ZNF782: variants seen among roughly 807,000 people sequenced by gnomAD.
ZNF782 encodes zinc finger protein 782.
A neutral mutation model predicts 13.0 loss-of-function variants in ZNF782; 12 were observed. The observed-to-expected ratio is 0.92, with a 90% CI of 0.59 to 1.50. The LOEUF (loss-of-function observed/expected upper bound fraction) is 1.50, where lower values mean the gene tolerates loss of function less well. ZNF782 is among the 40% of genes most tolerant of loss of function. The pLI is 0.00. For synonymous variants in ZNF782, 284 were observed against 283.0 expected (o/e 1.00, Z -0.04); for missense variants, 770 against 822.9 (o/e 0.94, Z 0.79).
chr9:96,837,390 T>C (rs145937125), intron 4 of ZNF782, among the ~76,000 whole-genome samples: 23 of 152,318 alleles, frequency 1.5e-4, no homozygotes, highest in African/African-American at 4.6e-4. Flanking sequence ...ACTGTCCCCA[T>C]TTTCATTTCT....
chr9:96,890,283 C>G, the ZNF782 span: 1 of 152,302 alleles, frequency 6.6e-6, no homozygotes, highest in African/African-American at 2.4e-5. Flanking sequence ...GTCTTCCTCT[C>G]ATATAAGCAG....
intron 3 of ZNF782, among the ~76,000 whole-genome samples, chr9:96,848,652 C>T (rs1851407528): frequency 6.6e-6 from 1 of 152,128 alleles, no homozygotes; most frequent in African/African-American, 2.4e-5. Flanking sequence ...ACAAGAACTA[C>T]ATAACACTGC....
intron 4 of ZNF782, among the ~76,000 whole-genome samples, chr9:96,830,693 G>A (rs979648750): frequency 6.6e-6 from 1 of 152,182 alleles, no homozygotes; most frequent in Admixed American, 6.5e-5. Flanking sequence ...AAAATCACTT[G>A]TCATACCAAG....
chr9:96,868,840 A>C (rs1851792042), intron 1 of ZNF782, among the ~76,000 whole-genome samples: 1 of 152,178 alleles, frequency 6.6e-6, no homozygotes, highest in South Asian at 2.1e-4. Context: ...ATGTTTTTGA[A>C]GATAGCCCAG....
the ZNF782 span, among the ~76,000 whole-genome samples, chr9:96,885,111 A>T: frequency 0.028 from 4,335 of 152,196 alleles, 228 homozygotes; most frequent in African/African-American, 0.099. Flanking sequence ...GGATACAATT[A>T]AAAAAATGCC....
Position 96,827,096 on chromosome 9 carries a change from T to C in ZNF782, c.228A>G (p.Leu76=). Residue 76 remains leucine, a synonymous_variant, in exon 5 of 6, where the codon CTA becomes CTG. Transcript: ENST00000481138. ...GTAACTCACCTGGGGAGTTCCTGCTTAGAAATCCTTTCTCTTTCTCTAATA... is the reference window on the plus strand; with the variant it reads ...GTAACTCACCTGGGGAGTTCCTGCTCAGAAATCCTTTCTCTTTCTCTAATA... ...PWLLEKEKGF[L]SRNSPEDSQP... 1 of 1,611,016 alleles carries C rather than the reference T, an allele frequency of 6.2e-7. No individual in the cohort carries two copies. Among genetic ancestry groups the C allele is most frequent in the Non-Finnish European group, 8.5e-7 (1 of 1,178,468 alleles).
chr9:96,929,004 G>A, the ZNF782 span: 27 of 1,609,172 alleles, frequency 1.7e-5, no homozygotes, highest in Non-Finnish European at 2.2e-5. Flanking sequence ...GACAGTGGTG[G>A]TCAGTGCCCA....
chr9:96,841,792 G>A (rs545801478), intron 4 of ZNF782, among the ~76,000 whole-genome samples: 3 of 151,924 alleles, frequency 2.0e-5, no homozygotes, highest in African/African-American at 7.2e-5. Flanking sequence ...CTTAAGGTTG[G>A]GAACAAGGCA....
At chr9:96,917,990 C>A in the ZNF782 span, among the ~76,000 whole-genome samples, 2 of 150,826 alleles carry the variant, frequency 1.3e-5, no homozygotes, top group Non-Finnish European at 3.0e-5. Context: ...CACCCTTGCG[C>A]CTCGGTCTCC....
At chr9:96,852,111 T>C (rs1370083370) in intron 2 of ZNF782, 106 bp from the exon 3 acceptor site, 2 of 694,390 alleles carry the variant, frequency 2.9e-6, no homozygotes, top group Non-Finnish European at 4.9e-6. Context: ...CTTCCTAAGG[T>C]AACAGGGCCC....
In ZNF782 at chr9:96,818,434, C is replaced by T; in HGVS notation, c.1589G>A (p.Gly530Glu). The T allele has an allele frequency of 6.2e-7, 1 of 1,614,172 alleles. No individual in the cohort carries two copies. Among genetic ancestry groups the T allele is most frequent in the East Asian group, 2.2e-5 (1 of 44,872 alleles). ...GLRKHHRTHT[G>E]EKPYKCNQCG... ...CTGATTACATTTGTAGGGCTTCTCC[C>T]CTGTGTGTGTTCTATGATGTTTCCT... The change falls in exon 6 of 6, where the codon GGG becomes GAG. Residue 530 changes from glycine (G) to glutamate (E), a missense_variant. By Grantham distance (98) the Gly-to-Glu change is moderately conservative (BLOSUM62 -2). Coordinates refer to ENST00000481138, the MANE Select transcript of ZNF782 (RefSeq NM_001001662.3).
intron 4 of ZNF782, among the ~76,000 whole-genome samples, chr9:96,844,443 GA>G (rs760360459): frequency 1.3e-5 from 2 of 152,164 alleles, no homozygotes; most frequent in Non-Finnish European, 2.9e-5. Context: ...ACATGTGCAT[GA>G]GTTTCAAAAG....
chr9:96,838,529 T>C (rs1199886366), intron 4 of ZNF782, among the ~76,000 whole-genome samples: 1 of 152,164 alleles, frequency 6.6e-6, no homozygotes, highest in South Asian at 2.1e-4. Context: ...TTTTACCTCA[T>C]ATAATTTGAA....
At chr9:96,899,583 G>T in the ZNF782 span, among the ~76,000 whole-genome samples, 2 of 152,158 alleles carry the variant, frequency 1.3e-5, no homozygotes, top group Non-Finnish European at 2.9e-5. Flanking sequence ...AGTTATGGAG[G>T]CTGAGAAATC....
chr9:96,856,896 CT>C (rs1255896851), upstream of ZNF782, among the ~76,000 whole-genome samples: 1 of 152,168 alleles, frequency 6.6e-6, no homozygotes, highest in African/African-American at 2.4e-5. Flanking sequence ...AAGGACCATT[CT>C]TTATACACGT....
At chr9:96,887,422 A>G in the ZNF782 span, 4 of 152,284 alleles carry the variant, frequency 2.6e-5, no homozygotes, top group Non-Finnish European at 5.9e-5. Context: ...AATTGCTACA[A>G]GGCAATTCTT....
At chr9:96,841,938 G>T (rs1159252619) in intron 4 of ZNF782, among the ~76,000 whole-genome samples, 1 of 151,920 alleles carries the variant, frequency 6.6e-6, no homozygotes, top group South Asian at 2.1e-4. Flanking sequence ...TATATGACAT[G>T]ATAGCTTATG....
the ZNF782 span, among the ~76,000 whole-genome samples, chr9:96,881,761 C>G: frequency 2.0e-5 from 3 of 152,170 alleles, no homozygotes; most frequent in East Asian, 5.8e-4. Flanking sequence ...ACTTCATATT[C>G]TCCTCCATTT....
At chr9:96,876,943 CAAAAAAAAAAAAAAAAAAAA>C (rs398011569), upstream of ZNF782, among the ~76,000 whole-genome samples, 1 of 42,802 alleles carries the variant, frequency 2.3e-5, no homozygotes, top group South Asian at 2.1e-3. Flanking sequence ...AACTCCGACT[CAAAAAAAAAAAAAAAAAAAA>C]AAAAAAAAAA....
Sources: gnomAD v4.1 joint callset for allele counts (sites outside exome capture counted in the v4.1 genomes callset) on GRCh38, gnomAD v4.1.1 for gene constraint, MANE v1.5 for transcripts, NCBI Gene and HGNC (gene_info 2026-07-23, HGNC 2026-07-21) for gene names.